The following SCNN1D variants were observed in gnomAD, a reference collection of about 807,000 sequenced individuals.
SCNN1D encodes the protein epithelial sodium channel subunit delta.
A neutral mutation model predicts 87.8 loss-of-function variants in SCNN1D; 104 were observed. The observed-to-expected ratio is 1.18, with a 90% CI of 1.01 to 1.39. The LOEUF is 1.39. Ranked by LOEUF, SCNN1D falls within the 40% of genes most tolerant of loss-of-function variation. The pLI is 0.00. For synonymous variants in SCNN1D, 628 were observed against 481.2 expected, an observed-to-expected ratio of 1.31 and a Z score of -3.99; for missense variants, 1,324 against 1,093.9, an observed-to-expected ratio of 1.21 and a Z score of -2.97.
In SCNN1D at chr1:1,287,493, G is replaced by C; in HGVS notation, c.1311-15G>C. The C allele has an allele frequency of 1.3e-6, 2 of 1,517,434 alleles. No homozygotes were observed. The highest frequency in any genetic ancestry group is 1.8e-6 in the Non-Finnish European group (2 of 1,131,434). The allele number at this position is 1,517,434 out of a possible 1,614,324, so 94.0% of individuals were successfully genotyped here. A position where few individuals can be genotyped will look rare whatever the true frequency, so the allele number is the denominator to read the frequency against. ...CAGCCGACATTCAAGGTCTGAGCTT[G>C]GCTTCTCATTCCAGACAGTTCCGGA... is the stretch of plus-strand genomic sequence containing the variant. On this transcript the variant is annotated splice_polypyrimidine_tract_variant and intron_variant, in intron 9 of 17. Transcript: ENST00000379116.
Position 1,287,103 on chromosome 1 carries a change from T to C in SCNN1D, c.1120-6T>C. The C allele has an allele frequency of 6.3e-7, 1 of 1,588,416 alleles. No individual in the cohort carries two copies. The highest frequency in any genetic ancestry group is 8.6e-7 in the Non-Finnish European group (1 of 1,162,586). Reference sequence around the variant, plus strand: ...CACAGAGCTGACCCTCCCTCCCCTCTCCCAGTGCAACAGCACGGGCGGCGA... The same window carrying C: ...CACAGAGCTGACCCTCCCTCCCCTCCCCCAGTGCAACAGCACGGGCGGCGA... On this transcript the variant is annotated splice_polypyrimidine_tract_variant and splice_region_variant and intron_variant, in intron 8 of 17. Transcript: ENST00000379116.
In SCNN1D at chr1:1,281,262, T is replaced by C. The variant is rs1256377797; in HGVS notation, c.42T>C (p.Arg14=). The change falls in exon 2 of 18, where the codon CGT becomes CGC. Residue 14 remains arginine (R), a synonymous_variant. Coordinates refer to ENST00000379116, the MANE Select transcript of SCNN1D (RefSeq NM_001130413.4). ...VLSQKTTPLP[R]YLWPGHLSGP... ...CACAGAAGACAACACCGCTCCCTCG[T>C]TACCTGTGGCCCGGCCACCTCAGCG... The C allele has an allele frequency of 1.3e-6, 2 of 1,535,622 alleles. No homozygotes were observed. The highest frequency in any genetic ancestry group is 1.7e-6 in the Non-Finnish European group (2 of 1,146,786).
Position 1,282,329 on chromosome 1 carries a change from CCCT to C in SCNN1D, c.351+19_351+21del, listed in dbSNP as rs772188452. Reference sequence around the variant, plus strand: ...CAGAGCCGGCAGGCAGGTGACCTCACCCTCCTCAGAGCCATGGCTCTGCTGCTG... The same window carrying C: ...CAGAGCCGGCAGGCAGGTGACCTCACCCTCAGAGCCATGGCTCTGCTGCTG... On this transcript the variant is annotated intron_variant, in intron 4 of 17. Transcript: ENST00000379116. 1.5e-5 allele frequency: 23 copies of C among 1,549,830 alleles called. 1 individual carries two copies. Among genetic ancestry groups the C allele is most frequent in the Middle Eastern group, 1.7e-4 (1 of 5,922 alleles).
rs766820907 is a variant in SCNN1D, at chr1:1,287,141, A to G, written c.1152A>G (p.Arg384=). ...CNSTGGDCFY[R]GYTSGVAAVQ... is the part of the protein sequence containing the mutation. ...GCACGGGCGGCGACTGCTTTTACCG[A>G]GGCTACACGTCAGGCGTGGCGGCTG... The change falls in exon 9 of 18, where the codon CGA becomes CGG. Residue 384 remains arginine, a synonymous_variant. Coordinates refer to ENST00000379116, the MANE Select transcript of SCNN1D (RefSeq NM_001130413.4). 9.4e-6 allele frequency: 15 copies of G among 1,601,814 alleles called. No individual in the cohort carries two copies. The highest frequency in any genetic ancestry group is 1.7e-4 in the Middle Eastern group (1 of 6,050).
rs1640754042 is a variant in SCNN1D at position 1,290,260 on chromosome 1, C to CATGT, written c.1663-11_1663-10insATGT. ...CCATCCCATGTCCCTGCTCATCCCCCCTGTCCCCAGGCCTGCCTGGTGTCC... is the reference window on the plus strand; with the variant it reads ...CCATCCCATGTCCCTGCTCATCCCCCATGTCTGTCCCCAGGCCTGCCTGGTGTCC... On this transcript the variant is annotated splice_polypyrimidine_tract_variant and intron_variant, in intron 12 of 17. Coordinates refer to ENST00000379116, the MANE Select transcript of SCNN1D (RefSeq NM_001130413.4). 3.2e-6 allele frequency: 5 copies of CATGT among 1,544,766 alleles called. 1 individual carries two copies. Among genetic ancestry groups the CATGT allele is most frequent in the East Asian group, 2.3e-5 (1 of 44,306 alleles).
intron 9 of SCNN1D, 37 bp from the exon 10 acceptor site, chr1:1,287,471 C>A: frequency 6.6e-7 from 1 of 1,510,298 alleles, no homozygotes; most frequent in Non-Finnish European, 8.9e-7. Flanking sequence ...GCGCGGGCAG[C>A]CGACATTCAA....
At position 1,291,921 on chromosome 1, in the gene SCNN1D, T is replaced by C. The variant is rs973004720; in HGVS notation, c.*311T>C. On this transcript the variant is annotated 3_prime_UTR_variant, in exon 18 of 18. Coordinates refer to ENST00000379116, the MANE Select transcript of SCNN1D (RefSeq NM_001130413.4). ...TGCATGTCCACACGTCTGATGCACCTGTGTACGTGTGTCAAGCCTAGCCAC... is the reference window on the plus strand; with the variant it reads ...TGCATGTCCACACGTCTGATGCACCCGTGTACGTGTGTCAAGCCTAGCCAC... 13 of 265,396 alleles carry C rather than the reference T, an allele frequency of 4.9e-5. No homozygotes were observed. The highest frequency in any genetic ancestry group is 1.8e-4 in the African/African-American group (8 of 45,376). The allele number at this position is 265,396 out of a possible 1,614,324, so 16.4% of individuals were successfully genotyped here.
At position 1,291,304 on chromosome 1, in the gene SCNN1D, G is replaced by A; in HGVS notation, c.2103G>A (p.Gly701=). ...AMGSLCSLWF[G]ASVLSLLELL... is the part of the protein sequence containing the mutation. ...GCAGCCTCTGCAGCCTGTGGTTTGG[G>A]GCCTCCGTCCTCTCCCTCCTGGAGC... is the stretch of plus-strand genomic sequence containing the variant. The change falls in exon 18 of 18, where the codon GGG becomes GGA. Residue 701 remains glycine, a synonymous_variant. Transcript: ENST00000379116. 9 of 1,582,680 alleles carry A rather than the reference G, an allele frequency of 5.7e-6. No homozygotes were observed. Among genetic ancestry groups the A allele is most frequent in the Non-Finnish European group, 6.9e-6 (8 of 1,166,588 alleles).
intron 2 of SCNN1D, 41 bp downstream of exon 2, chr1:1,281,338 C>A: frequency 6.5e-7 from 1 of 1,535,242 alleles, no homozygotes; most frequent in East Asian, 2.4e-5. Flanking sequence ...GCCTGGCCGT[C>A]TTTCCTGGGA....
In SCNN1D at chr1:1,285,579, G is replaced by A; in HGVS notation, c.473G>A (p.Gly158Glu). The A allele has an allele frequency of 6.5e-7, 1 of 1,535,456 alleles. No individual in the cohort carries two copies. Among genetic ancestry groups the A allele is most frequent in the South Asian group, 1.2e-5 (1 of 82,294 alleles). Residue 158 changes from glycine to glutamate, a missense_variant, in exon 6 of 18, where the codon GGG (glycine) becomes GAG (glutamate). Transcript: ENST00000379116. Reference sequence around the variant, plus strand: ...TACTTGCCTTTGGGTAGATCGCCTGGGCCTGTGGCTCCCCAGAGGCCCTGC... The same window carrying A: ...TACTTGCCTTTGGGTAGATCGCCTGAGCCTGTGGCTCCCCAGAGGCCCTGC... Reference protein sequence around the residue: ...HGGALTSRSPGPVAPQRPCHL... With the variant: ...HGGALTSRSPEPVAPQRPCHL...
At chr1:1,281,189 T>A in intron 1 of SCNN1D, 37 bp from the exon 2 acceptor site, 1 of 1,527,208 alleles carries the variant, frequency 6.5e-7, no homozygotes, top group Non-Finnish European at 8.8e-7. Context: ...AGGTCCTGGC[T>A]GGGGTCCCAC....
At position 1,282,276 on chromosome 1, in the gene SCNN1D, G is replaced by A; in HGVS notation, c.312G>A (p.Arg104=). 6.5e-7 allele frequency: 1 copy of A among 1,549,886 alleles called. No individual in the cohort carries two copies. Among genetic ancestry groups the A allele is most frequent in the Non-Finnish European group, 8.7e-7 (1 of 1,146,524 alleles). ...LGDSSMAFLS[R]TSPVAAASFQ... ...ACTCCAGCATGGCTTTCCTCTCCAGGACGTCACCGGTGGCAGCTGCTTCCT... is the reference window on the plus strand; with the variant it reads ...ACTCCAGCATGGCTTTCCTCTCCAGAACGTCACCGGTGGCAGCTGCTTCCT... The change falls in exon 4 of 18, where the codon AGG becomes AGA. Residue 104 remains arginine (R), a synonymous_variant. Transcript: ENST00000379116.
At chr1:1,284,908 T>C (rs1640556466) in intron 5 of SCNN1D, among the ~76,000 whole-genome samples, 1 of 152,196 alleles carries the variant, frequency 6.6e-6, no homozygotes, top group Admixed American at 6.5e-5. Context: ...CAGACCCCAA[T>C]CCACAGCTCC....
intron 12 of SCNN1D, 152 bp downstream of exon 12, chr1:1,288,189 C>CT (rs1640650833): frequency 3.2e-6 from 2 of 622,178 alleles, no homozygotes; most frequent in African/African-American, 3.7e-5. Flanking sequence ...TCCCCCGTGT[C>CT]CCCGCTCCAT....
chr1:1,288,538 T>C (rs1208031116), intron 12 of SCNN1D, among the ~76,000 whole-genome samples: 40 of 68,158 alleles, frequency 5.9e-4, no homozygotes, highest in Admixed American at 1.4e-3. Context: ...GTCCCGTGTC[T>C]CTGCTCCGTC....
chr1:1,290,219 C>T (rs2100347922), intron 12 of SCNN1D, 52 bp from the exon 13 acceptor site: 1 of 1,341,234 alleles, frequency 7.5e-7, no homozygotes, highest in Non-Finnish European at 1.0e-6. Context: ...TCTGCCCCGT[C>T]CCCCATGTCT....
intron 7 of SCNN1D, 78 bp downstream of exon 7, chr1:1,286,356 A>G (rs902804056): frequency 6.8e-6 from 8 of 1,184,026 alleles, no homozygotes; most frequent in African/African-American, 1.5e-5. Context: ...CCGAAGCCCC[A>G]CTGGCCCCTG....
chr1:1,281,719 C>A, intron 3 of SCNN1D, 109 bp downstream of exon 3: 2 of 1,009,316 alleles, frequency 2.0e-6, no homozygotes, highest in Non-Finnish European at 2.9e-6. Flanking sequence ...CCCTGCAGGG[C>A]ATACGGGTCA....
At position 1,289,761 on chromosome 1, in the gene SCNN1D, T is replaced by C. The variant is rs866856025; in HGVS notation, c.1663-510T>C. Among the ~76,000 whole-genome samples the C allele has an allele frequency of 4.7e-3, 4 of 860 alleles. 1 individual carries two copies. Among genetic ancestry groups the C allele is most frequent in the Non-Finnish European group, 8.2e-3 (4 of 490 alleles). The allele number at this position is 860 out of a possible 152,430, so 0.6% of individuals were successfully genotyped here. On this transcript the variant is annotated intron_variant, in intron 12 of 17. Transcript: ENST00000379116. ...TCTGCTCCGTCCCCCGTGTCTCTGCTCCGTCCCGTGTCTCTGCTCCGTCCC... is the reference window on the plus strand; with the variant it reads ...TCTGCTCCGTCCCCCGTGTCTCTGCCCCGTCCCGTGTCTCTGCTCCGTCCC...
Sources: gnomAD v4.1 joint callset for allele counts (sites outside exome capture counted in the v4.1 genomes callset) on GRCh38, gnomAD v4.1.1 for gene constraint, MANE v1.5 for transcripts, NCBI Gene and HGNC (gene_info 2026-07-23, HGNC 2026-07-21) for gene names.